The following NCAPH variants were observed in gnomAD, a reference collection of about 807,000 sequenced individuals.
NCAPH encodes non-SMC condensin I complex subunit H.
NCAPH carries 38 observed loss-of-function variants against 85.5 expected under a neutral mutation model. That is an observed-to-expected ratio of 0.44 (90% CI 0.34 to 0.58). NCAPH has a LOEUF of 0.58. NCAPH is among the 20% of genes least tolerant of loss of function. The probability of loss-of-function intolerance (pLI) is 0.01; values close to 1 mark genes in which losing one functional copy is unlikely to be tolerated. For synonymous variants in NCAPH, 301 were observed against 335.1 expected (o/e 0.90, Z 1.11); for missense variants, 789 against 916.6 (o/e 0.86, Z 1.80).
chr2:96,340,009 G>C (rs1009941465), intron 1 of NCAPH, among the ~76,000 whole-genome samples: 1 of 152,018 alleles, frequency 6.6e-6, no homozygotes, highest in Non-Finnish European at 1.5e-5. Context: ...TACAGCCTCC[G>C]TCTCCCGGGT....
Position 96,373,975 on chromosome 2 carries a change from C to G in NCAPH, c.*624C>G, listed in dbSNP as rs1049551262. 6.6e-6 allele frequency: 1 copy of G among 152,214 alleles called. No homozygotes were observed. The highest frequency in any genetic ancestry group is 1.5e-5 in the Non-Finnish European group (1 of 68,086). The allele number at this position is 152,214 out of a possible 1,614,324, so 9.4% of individuals were successfully genotyped here. A position where few individuals can be genotyped will look rare whatever the true frequency, so the allele number is the denominator to read the frequency against. On this transcript the variant is annotated 3_prime_UTR_variant, in exon 18 of 18. Coordinates refer to ENST00000240423, the MANE Select transcript of NCAPH (RefSeq NM_015341.5). Reference sequence around the variant, plus strand: ...GCCTAAGGGCCAAGATGGTTTGCCTCGGAGGAGAATGGAAGAGAGAGATTG... The same window carrying G: ...GCCTAAGGGCCAAGATGGTTTGCCTGGGAGGAGAATGGAAGAGAGAGATTG...
chr2:96,351,745 TA>T (rs1245164193), intron 6 of NCAPH, 85 bp from the exon 7 acceptor site: 1 of 1,181,504 alleles, frequency 8.5e-7, no homozygotes, highest in Admixed American at 2.7e-5. Flanking sequence ...ATATACCTGC[TA>T]ATGAGTGGGG....
intron 7 of NCAPH, among the ~76,000 whole-genome samples, chr2:96,352,779 T>C (rs2064462813): frequency 6.6e-6 from 1 of 152,198 alleles, no homozygotes; most frequent in South Asian, 2.1e-4. Context: ...TTAGCTCCCA[T>C]TCTTGTCATT....
At chr2:96,363,061 C>T (rs1225406861) in intron 12 of NCAPH, among the ~76,000 whole-genome samples, 2 of 152,130 alleles carry the variant, frequency 1.3e-5, no homozygotes, top group Admixed American at 6.5e-5. Flanking sequence ...AAGAAATTGT[C>T]GCAGCCACCC....
At chr2:96,359,586 A>G (rs2064576319) in intron 10 of NCAPH, 1 of 215,402 alleles carries the variant, frequency 4.6e-6, no homozygotes, top group Non-Finnish European at 9.2e-6. Context: ...TGTGTTTTGC[A>G]TTGTCTCTTT....
At chr2:96,340,079 C>T (rs1384569112) in intron 1 of NCAPH, among the ~76,000 whole-genome samples, 3 of 151,878 alleles carry the variant, frequency 2.0e-5, no homozygotes, top group Admixed American at 6.6e-5. Flanking sequence ...CCCACCACCA[C>T]GTTCAGCTAA....
chr2:96,366,900 A>AT (rs1358948965), intron 14 of NCAPH, among the ~76,000 whole-genome samples: 2 of 150,392 alleles, frequency 1.3e-5, no homozygotes, highest in East Asian at 3.9e-4. Context: ...AAAAAAAAAA[A>AT]GAGTTTGAGA....
At chr2:96,369,648 G>A in intron 17 of NCAPH, 148 bp downstream of exon 17, 1 of 785,426 alleles carries the variant, frequency 1.3e-6, no homozygotes, top group South Asian at 1.6e-5. Context: ...TGATTAGCCA[G>A]GCATCTAGAA....
intron 1 of NCAPH, among the ~76,000 whole-genome samples, chr2:96,340,783 C>CTT (rs745890722): frequency 2.3e-4 from 28 of 124,064 alleles, no homozygotes; most frequent in African/African-American, 7.5e-4. Context: ...CATGTCCGGC[C>CTT]TTTTTTTTTT....
In NCAPH at chr2:96,341,696, G is replaced by C; in HGVS notation, c.74G>C (p.Ser25Thr). 1 of 1,614,186 alleles carries C rather than the reference G, an allele frequency of 6.2e-7. No homozygotes were observed. The highest frequency in any genetic ancestry group is 8.5e-7 in the Non-Finnish European group (1 of 1,180,042). Residue 25 changes from serine to threonine, a missense_variant, in exon 2 of 18, where the codon AGT becomes ACT. Coordinates refer to ENST00000240423, the MANE Select transcript of NCAPH (RefSeq NM_015341.5). ...TCAGAGACGCGAGGACACCCCCACAGTGCCTCCTCTCCTTCAGAGCGTGTG... is the reference window on the plus strand; with the variant it reads ...TCAGAGACGCGAGGACACCCCCACACTGCCTCCTCTCCTTCAGAGCGTGTG... ...SSSETRGHPH[S>T]ASSPSERVFP... is the part of the protein sequence containing the mutation.
rs1187463813 is a variant in NCAPH at position 96,351,981 on chromosome 2, T to C, written c.871T>C (p.Leu291=). The change falls in exon 7 of 18, where the codon TTG becomes CTG. Residue 291 remains leucine, a synonymous_variant. Coordinates refer to ENST00000240423, the MANE Select transcript of NCAPH (RefSeq NM_015341.5). The stretch of plus-strand genomic sequence containing the variant: ...TCTCTCCACGGGAGAACCTCTCGAG[T>C]TGCCAGAGTTAGGTTGTGTAGAAAT... ...QTLSTGEPLE[L]PELGCVEMTD... 6.2e-7 allele frequency: 1 copy of C among 1,613,942 alleles called. No homozygotes were observed. Among genetic ancestry groups the C allele is most frequent in the Non-Finnish European group, 8.5e-7 (1 of 1,179,968 alleles).
Position 96,373,902 on chromosome 2 carries a change from TC to T in NCAPH, c.*553del, listed in dbSNP as rs1432934965. The T allele has an allele frequency of 6.6e-6, 1 of 152,490 alleles. No individual in the cohort carries two copies. The highest frequency in any genetic ancestry group is 2.4e-5 in the African/African-American group (1 of 41,456). The allele number at this position is 152,490 out of a possible 1,614,324, so 9.4% of individuals were successfully genotyped here. A position where few individuals can be genotyped will look rare whatever the true frequency, so the allele number is the denominator to read the frequency against. On this transcript the variant is annotated 3_prime_UTR_variant, in exon 18 of 18. Transcript: ENST00000240423. ...AGTCCTTACCCTTAGGGGGATGCAG[TC>T]CTGGTTGTTATCCAGGATACACACC... is the stretch of plus-strand genomic sequence containing the variant.
In NCAPH at chr2:96,338,571, A is replaced by C. The variant is rs150642854; in HGVS notation, c.19+2723A>C. On this transcript the variant is annotated intron_variant, in intron 1 of 17. Coordinates refer to ENST00000240423, the MANE Select transcript of NCAPH (RefSeq NM_015341.5). ...GCTGTTGAGAAGACTATCATGGATC[A>C]TCTGGGTGGGCCCAGTTTAATCACA... 1.7e-3 allele frequency among the ~76,000 whole-genome samples: 252 copies of C among 152,338 alleles called. 1 individual carries two copies. Among genetic ancestry groups the C allele is most frequent in the African/African-American group, 5.9e-3 (245 of 41,580 alleles).
Position 96,360,455 on chromosome 2 carries a change from C to T in NCAPH, c.1465-133C>T, listed in dbSNP as rs1573087198. ...AAAAAGAATAATGCTAGCAAAATCA[C>T]TTTTTTACATAGAACTGTGAGACTG... is the stretch of plus-strand genomic sequence containing the variant. On this transcript the variant is annotated intron_variant, in intron 11 of 17. Transcript: ENST00000240423. The T allele has an allele frequency of 3.5e-6, 4 of 1,136,228 alleles. No homozygotes were observed. In the East Asian group the frequency reaches 9.6e-5, roughly 27 times the overall value. 70.4% of individuals were successfully genotyped at this position (1,136,228 alleles called of 1,614,324 possible).
chr2:96,368,647 C>T (rs1461181724), intron 15 of NCAPH, among the ~76,000 whole-genome samples: 1 of 152,010 alleles, frequency 6.6e-6, no homozygotes, highest in African/African-American at 2.4e-5. Flanking sequence ...CAGAGCGAGA[C>T]TCCGTCTCAA....
chr2:96,341,615 G>T, intron 1 of NCAPH, 27 bp from the exon 2 acceptor site: 1 of 1,602,640 alleles, frequency 6.2e-7, no homozygotes, highest in Non-Finnish European at 8.5e-7. Context: ...TCTCTTGAAG[G>T]TTTCTTGAGC....
chr2:96,358,913 A>G, intron 9 of NCAPH, 132 bp from the exon 10 acceptor site: 1 of 835,692 alleles, frequency 1.2e-6, no homozygotes, highest in Non-Finnish European at 1.8e-6. Context: ...TTGAGAAGTA[A>G]AAGGAATTAT....
At chr2:96,347,217 G>A (rs537006131) in intron 6 of NCAPH, among the ~76,000 whole-genome samples, 98 of 151,882 alleles carry the variant, frequency 6.5e-4, no homozygotes, top group Non-Finnish European at 1.1e-3. Context: ...GCAGAGGCCC[G>A]CAGGGGAAGC....
chr2:96,360,355 A>C (rs1261165657), intron 11 of NCAPH, 106 bp downstream of exon 11: 1 of 831,726 alleles, frequency 1.2e-6, no homozygotes, highest in South Asian at 1.8e-5. Flanking sequence ...AGATGGTTTC[A>C]TTCTTCCTTG....
Sources: allele counts gnomAD v4.1 joint callset (sites outside exome capture counted in the v4.1 genomes callset), GRCh38; gene constraint gnomAD v4.1.1; transcripts MANE v1.5; gene names NCBI Gene and HGNC (gene_info 2026-07-23, HGNC 2026-07-21).